Variants in KNTC1 observed in about 807,000 individuals in gnomAD.
KNTC1 encodes the protein kinetochore-associated protein 1.
Under a neutral mutation model 314.4 loss-of-function variants are expected in KNTC1, and 253 were observed. The ratio of observed to expected loss-of-function variants is 0.80; its 90% CI spans 0.73 to 0.89. The LOEUF (loss-of-function observed/expected upper bound fraction) is 0.89. Ranked by LOEUF, KNTC1 falls within the 40% of genes least tolerant of loss-of-function variation. The pLI, the probability that KNTC1 is intolerant of heterozygous loss-of-function variation, is 0.00. For synonymous variants in KNTC1, 901 were observed against 901.4 expected (o/e 1.00, Z 0.01); for missense variants, 2,475 against 2,572.9 (o/e 0.96, Z 0.82).
At chr12:122,555,269 T>G (rs1963504337) in intron 16 of KNTC1, among the ~76,000 whole-genome samples, 1 of 152,204 alleles carries the variant, frequency 6.6e-6, no homozygotes. Context: ...TCATATATAC[T>G]TGGCCGGGTG....
intron 54 of KNTC1, 190 bp downstream of exon 54, chr12:122,613,420 T>C (rs1873399308): frequency 7.6e-6 from 5 of 657,576 alleles, no homozygotes; most frequent in East Asian, 2.8e-5. Flanking sequence ...TTCCATCGTT[T>C]CTTGGAGACA....
Position 122,584,298 on chromosome 12 carries a change from G to A in KNTC1, c.3284G>A (p.Cys1095Tyr). 6.2e-7 allele frequency: 1 copy of A among 1,612,664 alleles called. No individual in the cohort carries two copies. Among genetic ancestry groups the A allele is most frequent in the Non-Finnish European group, 8.5e-7 (1 of 1,179,144 alleles). Residue 1095 changes from cysteine (C) to tyrosine (Y), a missense_variant, in exon 35 of 64, where the codon TGC becomes TAC. Cys to Tyr is a radical substitution (Grantham distance 194). Transcript: ENST00000333479. The stretch of plus-strand genomic sequence containing the variant: ...CAAAGCGACTTGTTTAAGTATCACT[G>A]CAATGCTGACACTGGGAAATTGCTA... Reference protein sequence around the residue: ...KKCSDLFKYHCNADTGKLLFL... With the variant: ...KKCSDLFKYHYNADTGKLLFL...
chr12:122,620,642 G>T, intron 60 of KNTC1, 34 bp downstream of exon 60: 1 of 1,603,586 alleles, frequency 6.2e-7, no homozygotes, highest in South Asian at 1.1e-5. Context: ...GGCTGCCAAG[G>T]AAATAGAAGG....
intron 52 of KNTC1, 100 bp downstream of exon 52, chr12:122,609,530 G>T: frequency 1.3e-6 from 1 of 755,782 alleles, no homozygotes. Context: ...GGGCTTTCTT[G>T]ATAAAACTCA....
chr12:122,613,303 C>T (rs1050984512), intron 54 of KNTC1, 73 bp downstream of exon 54: 59 of 1,018,240 alleles, frequency 5.8e-5, no homozygotes, highest in Admixed American at 7.9e-5. Context: ...CTTTTAAGCC[C>T]TGAATTCAGA....
At chr12:122,604,816 G>A in intron 49 of KNTC1, 61 bp from the exon 50 acceptor site, 1 of 1,479,348 alleles carries the variant, frequency 6.8e-7, no homozygotes, top group African/African-American at 1.4e-5. Context: ...AAAGATGGAT[G>A]CTTGGCTTCA....
intron 16 of KNTC1, among the ~76,000 whole-genome samples, chr12:122,554,098 T>C (rs1199041810): frequency 6.9e-6 from 1 of 145,212 alleles, no homozygotes; most frequent in Non-Finnish European, 1.5e-5. Context: ...TATATATATA[T>C]ATTTGTATTT....
chr12:122,536,440 C>G (rs1311425507), intron 3 of KNTC1, among the ~76,000 whole-genome samples: 1 of 151,210 alleles, frequency 6.6e-6, no homozygotes, highest in Non-Finnish European at 1.5e-5. Flanking sequence ...CTATGTTGGC[C>G]AGGCTGGTCT....
chr12:122,538,024 C>G (rs533566680), intron 3 of KNTC1, among the ~76,000 whole-genome samples: 53 of 152,172 alleles, frequency 3.5e-4, no homozygotes, highest in African/African-American at 1.2e-3. Context: ...GTCCCAGCTA[C>G]CTGGGAGGCT....
chr12:122,621,994 T>A (rs1191356957), intron 61 of KNTC1, 24 bp downstream of exon 61: 2 of 1,516,026 alleles, frequency 1.3e-6, no homozygotes. Context: ...TCATCTCCTT[T>A]TTGCTATGAA....
chr12:122,605,210 T>C (rs371155058), intron 50 of KNTC1, 96 bp from the exon 51 acceptor site: 43 of 951,228 alleles, frequency 4.5e-5, no homozygotes, highest in Non-Finnish European at 5.6e-5. Context: ...TATACTTATA[T>C]GTGTATGTAT....
rs1160266273 is a variant in KNTC1 at position 122,605,205 on chromosome 12, TTA to T, written c.5387-97_5387-96del. 3.6e-5 allele frequency: 37 copies of T among 1,037,128 alleles called. No individual in the cohort carries two copies. In the East Asian group the frequency reaches 6.2e-4, roughly 17 times the overall value. 64.2% of individuals were successfully genotyped at this position (1,037,128 alleles called of 1,614,324 possible). ...TACATATGCTTATATATGTATATAC[TTA>T]TATGTGTATGTATGTGCATATATAC... is the stretch of plus-strand genomic sequence containing the variant. On this transcript the variant is annotated intron_variant, in intron 50 of 63. Transcript: ENST00000333479.
At chr12:122,568,028 G>T (rs1964457769) in intron 20 of KNTC1, among the ~76,000 whole-genome samples, 1 of 152,098 alleles carries the variant, frequency 6.6e-6, no homozygotes, top group African/African-American at 2.4e-5. Context: ...TCTGAGGAGG[G>T]TCCTATAGGA....
At chr12:122,548,102 A>G in intron 12 of KNTC1, 133 bp downstream of exon 12, 1 of 537,172 alleles carries the variant, frequency 1.9e-6, no homozygotes. Context: ...TCAGAAATAA[A>G]CCTGCAGAAC....
At chr12:122,559,122 G>A (rs1284266298) in intron 18 of KNTC1, among the ~76,000 whole-genome samples, 1 of 152,144 alleles carries the variant, frequency 6.6e-6, no homozygotes, top group Non-Finnish European at 1.5e-5. Context: ...GCCGAGGTGG[G>A]CAGATCACGA....
chr12:122,561,326 TAATA>T (rs1963959702), intron 18 of KNTC1, among the ~76,000 whole-genome samples: 2 of 151,230 alleles, frequency 1.3e-5, no homozygotes, highest in South Asian at 4.2e-4. Context: ...AAAAAAAAAA[TAATA>T]ATAATAATAA....
In KNTC1 at chr12:122,579,977, G is replaced by T; in HGVS notation, c.2914G>T (p.Asp972Tyr). The T allele has an allele frequency of 6.3e-7, 1 of 1,599,330 alleles. No individual in the cohort carries two copies. Among genetic ancestry groups the T allele is most frequent in the Non-Finnish European group, 8.6e-7 (1 of 1,166,900 alleles). The change falls in exon 32 of 64, where the codon GAC (aspartate) becomes TAC (tyrosine). Residue 972 changes from aspartate to tyrosine, a missense_variant and splice_region_variant. Physicochemically the swap from Asp to Tyr is radical, Grantham distance 160. Transcript: ENST00000333479. ...TAAGATACTATGTGACATTCAGAAA[G>T]GTAGCTTTTACTTCTGTTTTCTCAT... ...ILKILCDIQKDNLQKKDECEE... is the reference protein window; with the variant it reads ...ILKILCDIQKYNLQKKDECEE...
intron 62 of KNTC1, 34 bp downstream of exon 62, chr12:122,622,641 G>A: frequency 6.9e-7 from 1 of 1,448,234 alleles, no homozygotes; most frequent in Non-Finnish European, 9.3e-7. Context: ...ACTTACTGTG[G>A]AATTTCCTTA....
chr12:122,556,441 C>T (rs558312105), intron 16 of KNTC1, among the ~76,000 whole-genome samples: 8 of 151,806 alleles, frequency 5.3e-5, no homozygotes, highest in East Asian at 1.9e-4. Context: ...TGTATCCTCC[C>T]GCCCCTTCCC....
Sources: allele counts gnomAD v4.1 joint callset (sites outside exome capture counted in the v4.1 genomes callset), GRCh38; gene constraint gnomAD v4.1.1; transcripts MANE v1.5; gene names NCBI Gene and HGNC (gene_info 2026-07-23, HGNC 2026-07-21).